Variants in PCDH15 observed in about 807,000 individuals in gnomAD.
The protein encoded by PCDH15 is protocadherin related 15.
In PCDH15, 129 loss-of-function variants were observed where a neutral mutation model predicts 178.5. The observed-to-expected ratio is 0.72, with a 90% CI of 0.63 to 0.84. The LOEUF (loss-of-function observed/expected upper bound fraction) is 0.84, where lower values mean the gene tolerates loss of function less well. Ranked by LOEUF, PCDH15 falls within the 40% of genes least tolerant of loss-of-function variation. The probability of loss-of-function intolerance (pLI) is 0.00; values close to 1 mark genes in which losing one functional copy is unlikely to be tolerated. For missense variants in PCDH15, 2,230 were observed against 2,099.9 expected (o/e 1.06, Z -1.21); for synonymous variants, 800 against 732.0 (o/e 1.09, Z -1.50).
intron 2 of PCDH15, among the ~76,000 whole-genome samples, chr10:54,933,890 C>T (rs1204028592): frequency 2.0e-5 from 3 of 152,082 alleles, no homozygotes; most frequent in Non-Finnish European, 1.5e-5. Flanking sequence ...GCACTTGTTC[C>T]TGTGTTCATG....
At chr10:54,225,724 C>A (rs532933856) in intron 9 of PCDH15, among the ~76,000 whole-genome samples, 4 of 151,870 alleles carry the variant, frequency 2.6e-5, no homozygotes, top group Non-Finnish European at 5.9e-5. Flanking sequence ...ATTCAATTTA[C>A]ATATAGTGAA....
intron 2 of PCDH15, among the ~76,000 whole-genome samples, chr10:55,508,044 A>C (rs1398404437): frequency 1.3e-5 from 2 of 151,688 alleles, no homozygotes; most frequent in East Asian, 1.9e-4. Context: ...TACTTATTTT[A>C]GAAAAAACAT....
chr10:53,952,825 G>A (rs564922524), intron 23 of PCDH15, among the ~76,000 whole-genome samples: 1 of 152,364 alleles, frequency 6.6e-6, no homozygotes, highest in East Asian at 1.9e-4. Flanking sequence ...AGGTGGCAAG[G>A]GGCTGGTATG....
chr10:55,567,547 A>G (rs929526039), intron 2 of PCDH15, among the ~76,000 whole-genome samples: 3 of 151,958 alleles, frequency 2.0e-5, no homozygotes, highest in Non-Finnish European at 4.4e-5. Context: ...ATATCTAGTA[A>G]AGGATTAATA....
chr10:54,685,781 T>C (rs1479507726), intron 1 of PCDH15, among the ~76,000 whole-genome samples: 1 of 152,128 alleles, frequency 6.6e-6, no homozygotes, highest in East Asian at 1.9e-4. Flanking sequence ...TTGGGCAAAA[T>C]CATCTAATAC....
intron 1 of PCDH15, among the ~76,000 whole-genome samples, chr10:54,758,934 C>T (rs888983203): frequency 1.1e-4 from 16 of 152,036 alleles, no homozygotes; most frequent in African/African-American, 3.6e-4. Flanking sequence ...TCTTTGCCTC[C>T]TATAGGTCTG....
intron 2 of PCDH15, among the ~76,000 whole-genome samples, chr10:55,109,512 G>C (rs1041914762): frequency 6.6e-5 from 10 of 152,062 alleles, no homozygotes; most frequent in African/African-American, 2.4e-4. Context: ...AGAGAAAAGG[G>C]AAATCAGTAT....
At chr10:55,301,867 T>C (rs1483911919) in intron 1 of PCDH15, among the ~76,000 whole-genome samples, 1 of 152,172 alleles carries the variant, frequency 6.6e-6, no homozygotes, top group African/African-American at 2.4e-5. Context: ...ATTGAATTGC[T>C]TTTGCACTTT....
intron 2 of PCDH15, among the ~76,000 whole-genome samples, chr10:55,105,596 T>C (rs1188625905): frequency 1.3e-5 from 2 of 152,158 alleles, no homozygotes; most frequent in Admixed American, 6.6e-5. Context: ...TGGTTTTCCA[T>C]ATGCAGGGTA....
At chr10:54,379,743 A>T (rs139538710) in intron 3 of PCDH15, among the ~76,000 whole-genome samples, 4 of 152,238 alleles carry the variant, frequency 2.6e-5, no homozygotes, top group African/African-American at 9.6e-5. Context: ...CGCAGCAATG[A>T]TCTCTTTGCC....
intron 26 of PCDH15, among the ~76,000 whole-genome samples, chr10:53,888,345 T>TATACGTATATATAC (rs2133435047): frequency 1.4e-5 from 1 of 70,382 alleles, no homozygotes; most frequent in South Asian, 7.1e-4. Context: ...CGTATATATA[T>TATACGTATATATAC]ATACGTATAT....
chr10:54,307,057 TATATATATATATATATATATATAC>T (rs1257136915), intron 8 of PCDH15, among the ~76,000 whole-genome samples: 1 of 8,854 alleles, frequency 1.1e-4, no homozygotes, highest in South Asian at 4.5e-3. Flanking sequence ...TATATATATA[TATATATATATATATATATATATAC>T]ATATATATAT....
chr10:54,311,324 A>G (rs570696605), intron 8 of PCDH15, among the ~76,000 whole-genome samples: 67 of 152,226 alleles, frequency 4.4e-4, no homozygotes, highest in Non-Finnish European at 7.7e-4. Flanking sequence ...AACACTGCAA[A>G]AGAAAAAACA....
chr10:55,177,577 T>C (rs1361863891), intron 1 of PCDH15, among the ~76,000 whole-genome samples: 3 of 152,204 alleles, frequency 2.0e-5, no homozygotes, highest in South Asian at 2.1e-4. Context: ...AAGTTAACGA[T>C]GGGGAATAAC....
chr10:55,288,130 C>CACAA (rs1842918633), intron 1 of PCDH15, among the ~76,000 whole-genome samples: 1 of 150,614 alleles, frequency 6.6e-6, no homozygotes, highest in South Asian at 2.1e-4. Flanking sequence ...CTGTTTTTCA[C>CACAA]ATTGTAAAAT....
chr10:53,994,343 G>A lies in PCDH15; in HGVS notation c.2868+1306C>T, dbSNP rs529096095. On this transcript the variant is annotated intron_variant, in intron 21 of 37. Transcript: ENST00000644397. ...GTGCTGATGAAAATTTTTTTTAAAT[G>A]TATGTTAGTATTGTGTTTCCTTACA... Among the ~76,000 whole-genome samples the A allele has an allele frequency of 7.3e-4, 111 of 152,196 alleles. 1 individual carries two copies. The highest frequency in any genetic ancestry group is 2.6e-3 in the African/African-American group (108 of 41,522).
intron 2 of PCDH15, among the ~76,000 whole-genome samples, chr10:55,493,274 G>A (rs1021427474): frequency 1.3e-4 from 19 of 151,458 alleles, no homozygotes; most frequent in African/African-American, 4.4e-4. Context: ...AAAAAAGCTA[G>A]GTGGGGCATG....
At chr10:54,014,275 A>G (rs572203949) in intron 20 of PCDH15, among the ~76,000 whole-genome samples, 141 of 152,266 alleles carry the variant, frequency 9.3e-4, no homozygotes, top group African/African-American at 3.0e-3. Context: ...ATCAGTAAAT[A>G]AAGAGCCTAC....
At chr10:55,272,075 G>A (rs1440514967) in intron 1 of PCDH15, among the ~76,000 whole-genome samples, 1 of 152,002 alleles carries the variant, frequency 6.6e-6, no homozygotes, top group Non-Finnish European at 1.5e-5. Context: ...ATATACCTAT[G>A]TGTTTTTTCT....
Sources: allele counts gnomAD v4.1 joint callset (sites outside exome capture counted in the v4.1 genomes callset), GRCh38; gene constraint gnomAD v4.1.1; transcripts MANE v1.5; gene names NCBI Gene and HGNC (gene_info 2026-07-23, HGNC 2026-07-21).